The following CABCOCO1 variants were observed in gnomAD, a reference collection of about 807,000 sequenced individuals.
The protein encoded by CABCOCO1 is ciliary-associated calcium-binding coiled-coil protein 1.
In CABCOCO1, 28 loss-of-function variants were observed where a neutral mutation model predicts 35.7. That is an observed-to-expected ratio of 0.78 (90% CI 0.58 to 1.07). The LOEUF (loss-of-function observed/expected upper bound fraction) is 1.07, where lower values mean the gene tolerates loss of function less well. Among genes scored for constraint, CABCOCO1 ranks in the 50% least tolerant of loss-of-function variants. The pLI, the probability that CABCOCO1 is intolerant of heterozygous loss-of-function variation, is 0.00. For synonymous variants in CABCOCO1, 95 were observed against 100.1 expected, an observed-to-expected ratio of 0.95 and a Z score of 0.30; for missense variants, 326 against 309.2, an observed-to-expected ratio of 1.05 and a Z score of -0.41.
chr10:61,675,261 C>T (rs549502269), intron 2 of CABCOCO1, among the ~76,000 whole-genome samples: 1 of 152,260 alleles, frequency 6.6e-6, no homozygotes, highest in East Asian at 1.9e-4. Context: ...AAAAAGTTTA[C>T]GTATTTGCCA....
At chr10:61,708,734 C>T (rs972318097) in intron 5 of CABCOCO1, among the ~76,000 whole-genome samples, 13 of 152,130 alleles carry the variant, frequency 8.5e-5, no homozygotes, top group Non-Finnish European at 1.6e-4. Context: ...TTCAACATAT[C>T]AATGTTGGGG....
At chr10:61,752,274 T>A (rs1208394796) in intron 5 of CABCOCO1, among the ~76,000 whole-genome samples, 1 of 151,852 alleles carries the variant, frequency 6.6e-6, no homozygotes, top group South Asian at 2.1e-4. Context: ...TTGGCAGTAG[T>A]TTCCTCCAAA....
chr10:61,676,970 A>G (rs150808216), intron 2 of CABCOCO1, among the ~76,000 whole-genome samples: 3,887 of 152,064 alleles, frequency 0.026, 162 homozygotes, highest in African/African-American at 0.089. Flanking sequence ...AGGCTGAGAC[A>G]GGAGAATGGC....
At chr10:61,707,862 A>C (rs1409865816) in intron 5 of CABCOCO1, among the ~76,000 whole-genome samples, 3 of 152,158 alleles carry the variant, frequency 2.0e-5, no homozygotes, top group Admixed American at 2.0e-4. Flanking sequence ...GTAAAAACAG[A>C]AGCTGATACA....
At chr10:61,667,542 A>C (rs1156735057) in intron 1 of CABCOCO1, among the ~76,000 whole-genome samples, 1 of 151,788 alleles carries the variant, frequency 6.6e-6, no homozygotes, top group Admixed American at 6.6e-5. Context: ...GAAAGTTTTC[A>C]ATAAATCTCT....
intron 5 of CABCOCO1, among the ~76,000 whole-genome samples, chr10:61,739,553 A>G (rs943602136): frequency 7.8e-6 from 1 of 128,618 alleles, no homozygotes; most frequent in African/African-American, 2.6e-5. Flanking sequence ...TTTTGAAATG[A>G]AAAGTGATTA....
At chr10:61,738,759 A>T (rs1230155843) in intron 5 of CABCOCO1, among the ~76,000 whole-genome samples, 2 of 152,244 alleles carry the variant, frequency 1.3e-5, no homozygotes, top group Non-Finnish European at 2.9e-5. Flanking sequence ...AGTAAAAACT[A>T]TATTAAATCA....
intron 5 of CABCOCO1, among the ~76,000 whole-genome samples, chr10:61,732,128 A>G (rs990900214): frequency 2.6e-5 from 4 of 152,138 alleles, no homozygotes; most frequent in Non-Finnish European, 5.9e-5. Context: ...CAGATTACCC[A>G]AGTCTTTCTT....
At chr10:61,746,867 T>C (rs1441205408) in intron 5 of CABCOCO1, among the ~76,000 whole-genome samples, 3 of 152,158 alleles carry the variant, frequency 2.0e-5, no homozygotes, top group African/African-American at 7.2e-5. Context: ...AAAAAAACCA[T>C]AATTTACAAT....
intron 5 of CABCOCO1, among the ~76,000 whole-genome samples, chr10:61,704,062 CA>C (rs61338848): frequency 0.085 from 12,251 of 143,826 alleles, 510 homozygotes; most frequent in African/African-American, 0.11. Context: ...ATTAAAAATA[CA>C]AAAAAAAAAA....
chr10:61,664,894 T>C (rs1401819154), intron 1 of CABCOCO1, among the ~76,000 whole-genome samples: 1 of 152,194 alleles, frequency 6.6e-6, no homozygotes. Context: ...CACCACTTTT[T>C]AGGTAAATAC....
chr10:61,668,186 T>C (rs1286670049), intron 1 of CABCOCO1, among the ~76,000 whole-genome samples: 1 of 151,994 alleles, frequency 6.6e-6, no homozygotes. Flanking sequence ...ATCTCTAAAA[T>C]TAATCTTATT....
intron 2 of CABCOCO1, 143 bp from the exon 3 acceptor site, chr10:61,681,000 C>A (rs963665474): frequency 1.4e-5 from 5 of 358,648 alleles, no homozygotes; most frequent in Non-Finnish European, 1.8e-5. Context: ...TTTTGAATGT[C>A]ATTTTGGTCT....
intron 5 of CABCOCO1, among the ~76,000 whole-genome samples, chr10:61,703,707 A>ACT (rs1840522116): frequency 6.7e-6 from 1 of 149,988 alleles, no homozygotes; most frequent in Non-Finnish European, 1.5e-5. Flanking sequence ...GCCTCTACTT[A>ACT]CTCTTTCTCT....
At chr10:61,665,448 A>G (rs1012995966) in intron 1 of CABCOCO1, among the ~76,000 whole-genome samples, 1 of 152,234 alleles carries the variant, frequency 6.6e-6, no homozygotes, top group African/African-American at 2.4e-5. Context: ...TGCATAACAG[A>G]AAAAATGACA....
intron 1 of CABCOCO1, among the ~76,000 whole-genome samples, chr10:61,670,231 T>C (rs1471397505): frequency 6.6e-6 from 1 of 152,056 alleles, no homozygotes; most frequent in African/African-American, 2.4e-5. Context: ...ATATATATAA[T>C]GAAAATCATT....
At chr10:61,668,097 T>G (rs1158368660) in intron 1 of CABCOCO1, among the ~76,000 whole-genome samples, 1 of 151,882 alleles carries the variant, frequency 6.6e-6, no homozygotes, top group Non-Finnish European at 1.5e-5. Flanking sequence ...TTATTATATA[T>G]TTAAATAATC....
At chr10:61,726,475 G>GA (rs986837491) in intron 5 of CABCOCO1, among the ~76,000 whole-genome samples, 22 of 151,586 alleles carry the variant, frequency 1.5e-4, no homozygotes, top group Admixed American at 1.2e-3. Context: ...AAACTATCTG[G>GA]AAAAAATATT....
chr10:61,709,206 G>T (rs943881409), intron 5 of CABCOCO1, among the ~76,000 whole-genome samples: 3 of 152,038 alleles, frequency 2.0e-5, no homozygotes, highest in Admixed American at 1.3e-4. Context: ...CAAACCATAA[G>T]AAGAAACAGT....
Sources: gnomAD v4.1 joint callset for allele counts (sites outside exome capture counted in the v4.1 genomes callset) on GRCh38, gnomAD v4.1.1 for gene constraint, MANE v1.5 for transcripts, NCBI Gene and HGNC (gene_info 2026-07-23, HGNC 2026-07-21) for gene names.